Variants in KLRG2 observed in about 807,000 individuals in gnomAD.
KLRG2 encodes the protein killer cell lectin-like receptor subfamily G member 2.
A neutral mutation model predicts 35.4 loss-of-function variants in KLRG2; 39 were observed. The ratio of observed to expected loss-of-function variants is 1.10; its 90% CI spans 0.85 to 1.44. The LOEUF (loss-of-function observed/expected upper bound fraction) is 1.44. KLRG2 is among the 40% of genes most tolerant of loss of function. KLRG2 has a pLI of 0.00. For missense variants in KLRG2, 632 were observed against 570.9 expected, an observed-to-expected ratio of 1.11 and a Z score of -1.09; for synonymous variants, 283 against 265.8, an observed-to-expected ratio of 1.06 and a Z score of -0.63.
At chr7:139,469,589 C>G (rs958755646) in intron 3 of KLRG2, among the ~76,000 whole-genome samples, 4 of 151,940 alleles carry the variant, frequency 2.6e-5, no homozygotes, top group African/African-American at 9.7e-5. Flanking sequence ...GGATCACAGG[C>G]ATGCGTCACC....
intron 3 of KLRG2, among the ~76,000 whole-genome samples, chr7:139,474,460 TC>T (rs1253115011): frequency 1.3e-5 from 2 of 152,150 alleles, no homozygotes; most frequent in Non-Finnish European, 2.9e-5. Context: ...CATATCTCTA[TC>T]TAAAATAATG....
the KLRG2 span, among the ~76,000 whole-genome samples, chr7:139,428,207 C>G: frequency 6.6e-6 from 1 of 151,966 alleles, no homozygotes; most frequent in Non-Finnish European, 1.5e-5. Flanking sequence ...GATAAAAAAC[C>G]GATAGTTATC....
intron 3 of KLRG2, among the ~76,000 whole-genome samples, chr7:139,466,755 A>T (rs200702157): frequency 5.3e-5 from 8 of 150,320 alleles, no homozygotes; most frequent in South Asian, 2.1e-4. Flanking sequence ...TAAAAAAAAT[A>T]AAAAAAGGGG....
chr7:139,461,772 G>A (rs961629583), intron 3 of KLRG2, among the ~76,000 whole-genome samples: 7 of 151,638 alleles, frequency 4.6e-5, no homozygotes, highest in Admixed American at 2.6e-4. Context: ...GACTCTTTTC[G>A]GACTCAGCCC....
chr7:139,444,807 C>A, the KLRG2 span, among the ~76,000 whole-genome samples: 5 of 152,190 alleles, frequency 3.3e-5, no homozygotes, highest in East Asian at 9.6e-4. Flanking sequence ...CTATAAGATA[C>A]ACACCCTACA....
At chr7:139,445,781 G>GTATGTATGTATATATATATATATA in the KLRG2 span, among the ~76,000 whole-genome samples, 3 of 98,508 alleles carry the variant, frequency 3.0e-5, no homozygotes, top group African/African-American at 1.5e-4. Flanking sequence ...ATATATATAT[G>GTATGTATGTATATATATATATATA]TATATATATA....
the KLRG2 span, among the ~76,000 whole-genome samples, chr7:139,444,074 G>A: frequency 2.0e-5 from 3 of 152,336 alleles, no homozygotes; most frequent in South Asian, 6.2e-4. Flanking sequence ...ATCCAGCACG[G>A]GAGAAAGATG....
At chr7:139,450,953 C>A (rs957722384), downstream of KLRG2, among the ~76,000 whole-genome samples, 8 of 152,270 alleles carry the variant, frequency 5.3e-5, no homozygotes, top group East Asian at 1.5e-3. Context: ...TGCTCCTTCT[C>A]GTAATCCATC....
intron 1 of KLRG2, among the ~76,000 whole-genome samples, chr7:139,480,988 C>G (rs914572450): frequency 1.3e-5 from 2 of 152,130 alleles, no homozygotes; most frequent in African/African-American, 4.8e-5. Flanking sequence ...AAGTGATCCG[C>G]CCGCCTTGGC....
downstream of KLRG2, among the ~76,000 whole-genome samples, chr7:139,451,883 C>A (rs953876224): frequency 6.6e-6 from 1 of 152,010 alleles, no homozygotes; most frequent in African/African-American, 2.4e-5. Flanking sequence ...TACACAGCTT[C>A]CTGCCCACAT....
At chr7:139,476,094 T>C (rs564044586) in intron 3 of KLRG2, among the ~76,000 whole-genome samples, 4 of 152,302 alleles carry the variant, frequency 2.6e-5, no homozygotes, top group African/African-American at 9.6e-5. Context: ...AAAAGTTCTT[T>C]AAGCACGAAA....
At chr7:139,477,180 TA>T (rs1796865679) in intron 3 of KLRG2, among the ~76,000 whole-genome samples, 1 of 152,020 alleles carries the variant, frequency 6.6e-6, no homozygotes, top group African/African-American at 2.4e-5. Context: ...CTCAAAAAAT[TA>T]AAAATAGGAT....
At chr7:139,456,509 G>A (rs1796479241) in intron 3 of KLRG2, among the ~76,000 whole-genome samples, 1 of 152,190 alleles carries the variant, frequency 6.6e-6, no homozygotes, top group African/African-American at 2.4e-5. Context: ...GGGATTACAG[G>A]CACCTGCCAT....
the KLRG2 span, among the ~76,000 whole-genome samples, chr7:139,446,054 G>T: frequency 1.3e-5 from 2 of 152,004 alleles, no homozygotes; most frequent in African/African-American, 4.8e-5. Flanking sequence ...TGTTAGCCAG[G>T]CTGATCTTAA....
intron 3 of KLRG2, among the ~76,000 whole-genome samples, chr7:139,465,422 G>T (rs908801233): frequency 1.3e-5 from 2 of 152,204 alleles, no homozygotes; most frequent in African/African-American, 4.8e-5. Context: ...ACCGGGCGCG[G>T]TGGCTCACGC....
the KLRG2 span, among the ~76,000 whole-genome samples, chr7:139,441,984 C>A: frequency 3.3e-5 from 5 of 152,158 alleles, no homozygotes; most frequent in African/African-American, 1.2e-4. Context: ...AACTAGGAGA[C>A]CTCTGAAACC....
chr7:139,443,277 G>A, the KLRG2 span, among the ~76,000 whole-genome samples: 1 of 151,500 alleles, frequency 6.6e-6, no homozygotes, highest in African/African-American at 2.4e-5. Context: ...GTAGAGACAG[G>A]GTTTCACCAT....
At chr7:139,471,409 C>T (rs1435106696) in intron 3 of KLRG2, among the ~76,000 whole-genome samples, 1 of 152,100 alleles carries the variant, frequency 6.6e-6, no homozygotes, top group African/African-American at 2.4e-5. Context: ...CGCCTGTAAT[C>T]CTAGCACTTT....
intron 3 of KLRG2, among the ~76,000 whole-genome samples, chr7:139,462,798 G>A (rs1343933215): frequency 6.6e-6 from 1 of 151,908 alleles, no homozygotes; most frequent in Non-Finnish European, 1.5e-5. Flanking sequence ...TGTTCCCAAT[G>A]CAATTAGTCC....
Sources: allele counts gnomAD v4.1 joint callset (sites outside exome capture counted in the v4.1 genomes callset), GRCh38; gene constraint gnomAD v4.1.1; transcripts MANE v1.5; gene names NCBI Gene and HGNC (gene_info 2026-07-23, HGNC 2026-07-21).